The following ZNF217 variants were observed in gnomAD, a reference collection of about 807,000 sequenced individuals.
ZNF217 encodes the protein zinc finger protein 217.
Under a neutral mutation model 73.3 loss-of-function variants are expected in ZNF217, and 12 were observed. The ratio of observed to expected loss-of-function variants is 0.16; its 90% CI spans 0.10 to 0.27. The LOEUF is 0.27. ZNF217 is among the 10% of genes least tolerant of loss of function. ZNF217 has a pLI of 1.00. For synonymous variants in ZNF217, 588 were observed against 516.4 expected (o/e 1.14, Z -1.88); for missense variants, 1,195 against 1,327.8 (o/e 0.90, Z 1.55).
At chr20:53,573,443 TTTAC>T (rs931234592) in intron 4 of ZNF217, among the ~76,000 whole-genome samples, 18 of 151,780 alleles carry the variant, frequency 1.2e-4, no homozygotes, top group Admixed American at 9.2e-4. Context: ...TCCCATATAC[TTTAC>T]TTACTTATTA....
At chr20:53,583,260 G>A (rs972728586) in intron 1 of ZNF217, 92 bp from the exon 2 acceptor site, 2 of 399,796 alleles carry the variant, frequency 5.0e-6, no homozygotes, top group Non-Finnish European at 4.4e-6. Flanking sequence ...ACGCAGCAGA[G>A]AAGGTACCTA....
Position 53,582,289 on chromosome 20 carries a change from C to T in ZNF217, c.538G>A (p.Gly180Ser), listed in dbSNP as rs1032450580. The change falls in exon 2 of 6, where the codon GGC becomes AGC. Residue 180 changes from glycine to serine, a missense_variant. Coordinates refer to ENST00000371471, the MANE Select transcript of ZNF217 (RefSeq NM_006526.3). The surrounding 1 kb of genome is among the most constrained non-coding windows in gnomAD (Gnocchi z 4.8). Reference sequence around the variant, plus strand: ...AGTTTGCTTCTGGCCCCCGATTTGCCATTATGTGTCCGCATGTGATTTTTA... The same window carrying T: ...AGTTTGCTTCTGGCCCCCGATTTGCTATTATGTGTCCGCATGTGATTTTTA... ...FLKNHMRTHN[G>S]KSGARSKLQQ... 6.2e-7 allele frequency: 1 copy of T among 1,613,852 alleles called. No individual in the cohort carries two copies. The highest frequency in any genetic ancestry group is 1.3e-5 in the African/African-American group (1 of 74,886).
intron 1 of ZNF217, among the ~76,000 whole-genome samples, chr20:53,590,913 A>G (rs961035745): frequency 4.6e-5 from 7 of 152,154 alleles, no homozygotes; most frequent in Non-Finnish European, 8.8e-5. Flanking sequence ...CTGGAAGGGG[A>G]TTAGGGGCTC....
chr20:53,577,070 T>C lies in ZNF217; in HGVS notation c.1694A>G (p.Lys565Arg), dbSNP rs1988309258. 3.1e-6 allele frequency: 5 copies of C among 1,614,212 alleles called. No homozygotes were observed. The highest frequency in any genetic ancestry group is 1.7e-5 in the Admixed American group (1 of 60,020). The change falls in exon 4 of 6, where the codon AAA (lysine) becomes AGA (arginine). Residue 565 changes from lysine to arginine, a missense_variant. By Grantham distance (26) the Lys-to-Arg change is conservative (BLOSUM62 2). Coordinates refer to ENST00000371471, the MANE Select transcript of ZNF217 (RefSeq NM_006526.3). Reference protein sequence around the residue: ...KNLKRFFDGAKDVTGSPPAKQ... With the variant: ...KNLKRFFDGARDVTGSPPAKQ... Reference sequence around the variant, plus strand: ...TGCAGGTGGACTGCCTGTAACATCTTTGGCACCATCAAAAAATCTTTTCAA... The same window carrying C: ...TGCAGGTGGACTGCCTGTAACATCTCTGGCACCATCAAAAAATCTTTTCAA...
chr20:53,575,690 A>T (rs772538498), intron 4 of ZNF217, 37 bp downstream of exon 4: 1 of 1,505,510 alleles, frequency 6.6e-7, no homozygotes, highest in Non-Finnish European at 8.9e-7. Context: ...TAATCACTGT[A>T]GGCAGCCATT....
intron 1 of ZNF217, among the ~76,000 whole-genome samples, chr20:53,587,686 C>G (rs1163602189): frequency 6.6e-6 from 1 of 151,280 alleles, no homozygotes; most frequent in East Asian, 1.9e-4. Flanking sequence ...TTAAAAAATT[C>G]AACTTAAATT....
At chr20:53,574,021 G>C (rs922451267) in intron 4 of ZNF217, among the ~76,000 whole-genome samples, 1 of 150,406 alleles carries the variant, frequency 6.6e-6, no homozygotes, top group East Asian at 1.9e-4. Flanking sequence ...AGTGAGCTGA[G>C]ATCACACCAT....
intron 1 of ZNF217, among the ~76,000 whole-genome samples, chr20:53,593,548 G>A (rs995680786): frequency 3.9e-5 from 6 of 151,912 alleles, no homozygotes; most frequent in African/African-American, 1.5e-4. Flanking sequence ...GCCCGGGATC[G>A]CCCGCACCTT....
At position 53,588,613 on chromosome 20, in the gene ZNF217, TATATATATATATAC is replaced by T. The variant is rs1488637331; in HGVS notation, c.-343+5129_-343+5142del. 7.8e-3 allele frequency among the ~76,000 whole-genome samples: 685 copies of T among 87,606 alleles called. 1 individual carries two copies. The highest frequency in any genetic ancestry group is 0.011 in the Non-Finnish European group (421 of 38,456). 57.5% of individuals were successfully genotyped at this position (87,606 alleles called of 152,430 possible). On this transcript the variant is annotated intron_variant, in intron 1 of 5. Transcript: ENST00000371471. ...ATCTATCTATATATATATATATATA[TATATATATATATAC>T]ACACACACACACAACTATGCCCACT... is the stretch of plus-strand genomic sequence containing the variant.
chr20:53,588,942 A>G (rs1988792333), intron 1 of ZNF217, among the ~76,000 whole-genome samples: 2 of 152,218 alleles, frequency 1.3e-5, no homozygotes, highest in African/African-American at 2.4e-5. Context: ...GAAAAACTCT[A>G]TATTGATTAC....
intron 1 of ZNF217, among the ~76,000 whole-genome samples, chr20:53,591,766 C>T (rs1463420570): frequency 1.3e-5 from 2 of 152,316 alleles, no homozygotes; most frequent in South Asian, 4.1e-4. Context: ...TATTCCTCTG[C>T]ACTTGTCACT....
Position 53,582,674 on chromosome 20 carries a change from T to C in ZNF217, c.153A>G (p.Thr51=). 1 of 1,614,176 alleles carries C rather than the reference T, an allele frequency of 6.2e-7. No individual in the cohort carries two copies. Among genetic ancestry groups the C allele is most frequent in the Non-Finnish European group, 8.5e-7 (1 of 1,180,036 alleles). ...KGTAVVPFRA[T]QEKNVIQIEG... ...CGATTTGGATGACATTTTTTTCTTG[T>C]GTAGCTCGGAATGGAACAACAGCGG... Residue 51 remains threonine (T), a synonymous_variant, in exon 2 of 6, where the codon ACA becomes ACG. Transcript: ENST00000371471. The surrounding 1 kb of genome is among the most constrained non-coding windows in gnomAD (Gnocchi z 4.8).
intron 4 of ZNF217, chr20:53,572,720 T>G (rs1281246347): frequency 6.6e-6 from 1 of 152,220 alleles, no homozygotes; most frequent in East Asian, 1.9e-4. Flanking sequence ...AACTGAAATG[T>G]GCAAAACTGA....
At position 53,588,487 on chromosome 20, in the gene ZNF217, A is replaced by G. The variant is rs1988773637; in HGVS notation, c.-343+5269T>C. ...AATTTGACAGGCCTAACTGCACCAA[A>G]AAAAAAAGATTTCAGCAAATTAATT... On this transcript the variant is annotated intron_variant, in intron 1 of 5. Coordinates refer to ENST00000371471, the MANE Select transcript of ZNF217 (RefSeq NM_006526.3). Among the ~76,000 whole-genome samples the G allele has an allele frequency of 2.0e-5, 3 of 148,698 alleles. No homozygotes were observed. The South Asian group carries it at 6.2e-4, about 31-fold the overall frequency.
chr20:53,570,515 G>A (rs1415125504), intron 5 of ZNF217: 1 of 152,614 alleles, frequency 6.6e-6, no homozygotes, highest in Non-Finnish European at 1.5e-5. Context: ...TGAGCCCCAA[G>A]CTTTCCATTT....
intron 1 of ZNF217, 145 bp downstream of exon 1, chr20:53,593,611 G>A (rs779888400): frequency 1.3e-5 from 2 of 151,928 alleles, no homozygotes; most frequent in Non-Finnish European, 2.9e-5. Context: ...CTAGAGGAGC[G>A]GATAGAAAGC....
intron 1 of ZNF217, among the ~76,000 whole-genome samples, chr20:53,584,950 CATTT>C (rs1316753245): frequency 2.6e-5 from 4 of 151,646 alleles, no homozygotes; most frequent in Non-Finnish European, 5.9e-5. Context: ...AACAAAGACT[CATTT>C]ATTTGAGGTC....
chr20:53,594,040 C>G (rs893511881), upstream of ZNF217, among the ~76,000 whole-genome samples: 5 of 148,086 alleles, frequency 3.4e-5, no homozygotes, highest in Admixed American at 6.6e-5. Context: ...TCCAAGACCC[C>G]CCCCCAACAA....
chr20:53,571,635 G>C (rs1177410580), intron 5 of ZNF217, 86 bp downstream of exon 5: 8 of 1,443,722 alleles, frequency 5.5e-6, no homozygotes, highest in Admixed American at 2.8e-5. Flanking sequence ...TCAAATGCTC[G>C]ATCTCAGGTG....
Sources: gnomAD v4.1 joint callset for allele counts (sites outside exome capture counted in the v4.1 genomes callset) on GRCh38, gnomAD v4.1.1 for gene constraint, Gnocchi (gnomAD v3.1) non-coding constraint, MANE v1.5 for transcripts, NCBI Gene and HGNC (gene_info 2026-07-23, HGNC 2026-07-21) for gene names.